Variants in COL5A1 observed in about 807,000 individuals in gnomAD.
COL5A1 encodes collagen alpha-1(V) chain.
A neutral mutation model predicts 263.7 loss-of-function variants in COL5A1; 16 were observed. The observed-to-expected ratio is 0.06, with a 90% CI of 0.04 to 0.09. The LOEUF (loss-of-function observed/expected upper bound fraction) is 0.09. Among genes scored for constraint, COL5A1 ranks in the 10% least tolerant of loss-of-function variants. The pLI is 1.00. For missense variants in COL5A1, 2,036 were observed against 2,540.5 expected, an observed-to-expected ratio of 0.80 and a Z score of 4.27; for synonymous variants, 1,012 against 1,004.5, an observed-to-expected ratio of 1.01 and a Z score of -0.14.
intron 1 of COL5A1, among the ~76,000 whole-genome samples, chr9:134,684,306 C>T (rs1832946394): frequency 6.6e-6 from 1 of 152,164 alleles, no homozygotes; most frequent in Non-Finnish European, 1.5e-5. Flanking sequence ...GAGCCCTGTA[C>T]AGATGTCCAG....
intron 1 of COL5A1, among the ~76,000 whole-genome samples, chr9:134,656,198 T>G (rs1366464942): frequency 1.3e-5 from 2 of 152,164 alleles, no homozygotes; most frequent in Non-Finnish European, 2.9e-5. Flanking sequence ...CTCCTCGTCC[T>G]GCCCGCCCAG....
At chr9:134,738,861 G>GCCCTGGCATCCA in intron 11 of COL5A1, 53 bp downstream of exon 11, 1 of 1,425,644 alleles carries the variant, frequency 7.0e-7, no homozygotes. Context: ...GGCTGCCCAC[G>GCCCTGGCATCCA]CCTCCTCTCC....
chr9:134,774,219 G>T (rs1451452827), intron 26 of COL5A1, among the ~76,000 whole-genome samples: 1 of 152,234 alleles, frequency 6.6e-6, no homozygotes, highest in African/African-American at 2.4e-5. Context: ...ACCGGGCCCG[G>T]GCCTCAGAGC....
At chr9:134,683,312 A>T (rs1832915745) in intron 1 of COL5A1, among the ~76,000 whole-genome samples, 2 of 152,138 alleles carry the variant, frequency 1.3e-5, no homozygotes, top group South Asian at 4.1e-4. Flanking sequence ...TTGGGAAAAA[A>T]GTGGGACTTT....
chr9:134,643,724 G>A (rs1264402393), intron 1 of COL5A1, among the ~76,000 whole-genome samples: 1 of 152,198 alleles, frequency 6.6e-6, no homozygotes, highest in Non-Finnish European at 1.5e-5. Context: ...CCCCAGAAAA[G>A]TGGAGAGGAG....
At position 134,651,390 on chromosome 9, in the gene COL5A1, C is replaced by T. The variant is rs187201029; in HGVS notation, c.109+9094C>T. Among the ~76,000 whole-genome samples, 3 of 152,092 alleles carry T rather than the reference C, an allele frequency of 2.0e-5. No individual in the cohort carries two copies. In the East Asian group the frequency reaches 5.8e-4, roughly 29 times the overall value. On this transcript the variant is annotated intron_variant, in intron 1 of 65. Coordinates refer to ENST00000371817, the MANE Select transcript of COL5A1 (RefSeq NM_000093.5). ...GGTGTGGTGGTTCGTGCTTGTGGTC[C>T]CAGCTACTTGAGAGGCTGAGGTGGG...
chr9:134,699,720 G>C (rs987405065), intron 2 of COL5A1, among the ~76,000 whole-genome samples, 189 bp from the exon 3 acceptor site: 1 of 152,218 alleles, frequency 6.6e-6, no homozygotes, highest in Non-Finnish European at 1.5e-5. Flanking sequence ...GGCAGGTTTG[G>C]CCAAGTGGGA....
rs1376892840 is a variant in COL5A1 at position 134,686,316 on chromosome 9, C to T, written c.110-4596C>T. ...TCACCCAAGCTGGAGTGCAGTGACA[C>T]GATCCTGGCTTACTGCAACCTCCAC... is the stretch of plus-strand genomic sequence containing the variant. On this transcript the variant is annotated intron_variant, in intron 1 of 65. Transcript: ENST00000371817. The surrounding 1 kb of genome is among the most constrained non-coding windows in gnomAD (Gnocchi z 4.6). 2.1e-4 allele frequency among the ~76,000 whole-genome samples: 32 copies of T among 152,052 alleles called. No homozygotes were observed. The highest frequency in any genetic ancestry group is 1.4e-3 in the Admixed American group (22 of 15,264).
chr9:134,750,578 G>T lies in COL5A1; in HGVS notation c.1531G>T (p.Gly511Cys). 6.2e-7 allele frequency: 1 copy of T among 1,613,556 alleles called. No homozygotes were observed. Among genetic ancestry groups the T allele is most frequent in the Non-Finnish European group, 8.5e-7 (1 of 1,180,032 alleles). Reference protein sequence around the residue: ...PGRPGLPGADGLPGPPGTMLM... With the variant: ...PGRPGLPGADCLPGPPGTMLM... ...ACGCCCAGGCCTTCCTGGGGCCGAT[G>T]GCCTGCCCGGTCCTCCAGGAACCAT... The change falls in exon 12 of 66, where the codon GGC (glycine) becomes TGC (cysteine). Residue 511 changes from glycine to cysteine, a missense_variant. This residue lies in a region of COL5A1 where 1,078 missense variants were observed against 1,521.4 expected (regional missense o/e 0.71). Coordinates refer to ENST00000371817, the MANE Select transcript of COL5A1 (RefSeq NM_000093.5).
At chr9:134,685,099 C>T (rs1247092241) in intron 1 of COL5A1, among the ~76,000 whole-genome samples, 10 of 148,850 alleles carry the variant, frequency 6.7e-5, no homozygotes, top group South Asian at 4.4e-4. Context: ...ATCCATCCAT[C>T]CACCATCCAT....
In COL5A1 at chr9:134,835,099, A is replaced by G; in HGVS notation, c.5265A>G (p.Ala1755=). ...HCYQSVAWQD[A]ATGSYDKALR... ...ACCAGTCAGTGGCCTGGCAGGACGCAGCCACGGGCAGCTACGACAAGGCCC... is the reference window on the plus strand; with the variant it reads ...ACCAGTCAGTGGCCTGGCAGGACGCGGCCACGGGCAGCTACGACAAGGCCC... Residue 1755 remains alanine, a synonymous_variant, in exon 65 of 66, where the codon GCA becomes GCG. Coordinates refer to ENST00000371817, the MANE Select transcript of COL5A1 (RefSeq NM_000093.5). 6 of 1,613,728 alleles carry G rather than the reference A, an allele frequency of 3.7e-6. No individual in the cohort carries two copies. Among genetic ancestry groups the G allele is most frequent in the Non-Finnish European group, 5.1e-6 (6 of 1,180,022 alleles).
chr9:134,730,176 G>T, intron 6 of COL5A1, 60 bp from the exon 7 acceptor site: 1 of 1,604,004 alleles, frequency 6.2e-7, no homozygotes, highest in Non-Finnish European at 8.5e-7. Context: ...GCAAGTCCCA[G>T]ACCTGGCACC....
intron 11 of COL5A1, among the ~76,000 whole-genome samples, chr9:134,740,204 G>A (rs1835251826): frequency 6.6e-6 from 1 of 151,894 alleles, no homozygotes; most frequent in East Asian, 1.9e-4. Context: ...AACAGCGAGT[G>A]GCCGCTGCTC....
At chr9:134,804,195 C>T (rs144008214) in intron 39 of COL5A1, among the ~76,000 whole-genome samples, 28 of 152,276 alleles carry the variant, frequency 1.8e-4, no homozygotes, top group Admixed American at 9.2e-4. Flanking sequence ...TGTGTACATG[C>T]ACACGTGTGT....
chr9:134,766,159 C>T (rs962290599), intron 21 of COL5A1, among the ~76,000 whole-genome samples: 3 of 152,226 alleles, frequency 2.0e-5, no homozygotes, highest in African/African-American at 7.2e-5. Context: ...AGGGCCAGGC[C>T]TGCCCCCTTC....
rs768269251 is a variant in COL5A1 at position 134,730,452 on chromosome 9, G to T, written c.1141G>T (p.Ala381Ser). 1 of 1,614,104 alleles carries T rather than the reference G, an allele frequency of 6.2e-7. No homozygotes were observed. The highest frequency in any genetic ancestry group is 1.7e-5 in the Admixed American group (1 of 60,020). The change falls in exon 7 of 66, where the codon GCC becomes TCC. Residue 381 changes from alanine to serine, a missense_variant. Transcript: ENST00000371817. ...GAGAEIPTST[A>S]DTSNSSNPAP... ...TGGGGCCGAAATTCCCACCAGCACC[G>T]CCGACACCTCCAACTCCTCCAATGT...
At chr9:134,747,961 G>GTGCACATGCATTCACA (rs1554791437) in intron 11 of COL5A1, among the ~76,000 whole-genome samples, 3 of 112,206 alleles carry the variant, frequency 2.7e-5, no homozygotes, top group South Asian at 6.0e-4. Flanking sequence ...GCAGACACAT[G>GTGCACATGCATTCACA]CACACATGCA....
chr9:134,647,464 G>T lies in COL5A1; in HGVS notation c.109+5168G>T, dbSNP rs1275181958. On this transcript the variant is annotated intron_variant, in intron 1 of 65. Transcript: ENST00000371817. This position sits in a 1 kb window ranked among gnomAD's most constrained non-coding sequence, Gnocchi z 5.0. ...ATCTGCCTGCACACATGTGTTTGTGGGTATACATGTGTGTTTGAGTGTGCA... is the reference window on the plus strand; with the variant it reads ...ATCTGCCTGCACACATGTGTTTGTGTGTATACATGTGTGTTTGAGTGTGCA... 6.6e-6 allele frequency among the ~76,000 whole-genome samples: 1 copy of T among 152,156 alleles called. No individual in the cohort carries two copies. The highest frequency in any genetic ancestry group is 1.5e-5 in the Non-Finnish European group (1 of 68,026).
At chr9:134,737,934 G>A (rs757650976) in intron 9 of COL5A1, among the ~76,000 whole-genome samples, 2 of 152,172 alleles carry the variant, frequency 1.3e-5, no homozygotes, top group Non-Finnish European at 2.9e-5. Flanking sequence ...TGCGTGCATG[G>A]GAGGATGCAC....
Sources: gnomAD v4.1 joint callset for allele counts (sites outside exome capture counted in the v4.1 genomes callset) on GRCh38, gnomAD v4.1.1 for gene constraint, gnomAD v4.1.1 regional missense constraint, Gnocchi (gnomAD v3.1) non-coding constraint, MANE v1.5 for transcripts, NCBI Gene and HGNC (gene_info 2026-07-23, HGNC 2026-07-21) for gene names.